EML5: variants seen among roughly 807,000 people sequenced by gnomAD.
The protein encoded by EML5 is EMAP like 5.
EML5 carries 120 observed loss-of-function variants against 250.0 expected under a neutral mutation model. The ratio of observed to expected loss-of-function variants is 0.48; its 90% CI spans 0.41 to 0.56. The LOEUF (loss-of-function observed/expected upper bound fraction) is 0.56. Among genes scored for constraint, EML5 ranks in the 20% least tolerant of loss-of-function variants. The pLI is 0.00. For synonymous variants in EML5, 771 were observed against 806.5 expected (o/e 0.96, Z 0.75); for missense variants, 2,006 against 2,437.6 (o/e 0.82, Z 3.73).
In EML5 at chr14:88,661,830, C is replaced by T. The variant is rs749044508; in HGVS notation, c.3499G>A (p.Val1167Ile). Residue 1167 changes from valine to isoleucine, a missense_variant and splice_region_variant, in exon 25 of 44, where the codon GTA (valine) becomes ATA (isoleucine). Physicochemically the swap from Val to Ile is conservative, Grantham distance 29. Around this residue, in one of 7 missense-constraint regions of EML5, gnomAD observed 1,375 missense variants for 1,590.3 expected, o/e 0.86. Coordinates refer to ENST00000554922, the MANE Select transcript of EML5 (RefSeq NM_183387.3). The part of the protein sequence containing the change: ...GKKQTIPSVE[V>I]EKIAWASWTS... Reference sequence around the variant, plus strand: ...CATGATGCCCAAGCAATTTTTTCTACCTAAAAATGAAAAACAATGCTGTAA... The same window carrying T: ...CATGATGCCCAAGCAATTTTTTCTATCTAAAAATGAAAAACAATGCTGTAA... 6 of 1,603,132 alleles carry T rather than the reference C, an allele frequency of 3.7e-6. No individual in the cohort carries two copies. Among genetic ancestry groups the T allele is most frequent in the South Asian group, 1.1e-5 (1 of 89,022 alleles).
intron 30 of EML5, among the ~76,000 whole-genome samples, chr14:88,643,572 A>G (rs1394263504): frequency 2.0e-5 from 3 of 152,280 alleles, no homozygotes; most frequent in Admixed American, 6.5e-5. Context: ...TGGCATCCCC[A>G]GGGGGAATCT....
At chr14:88,687,933 G>C (rs1055624234) in intron 18 of EML5, among the ~76,000 whole-genome samples, 1 of 152,070 alleles carries the variant, frequency 6.6e-6, no homozygotes, top group Non-Finnish European at 1.5e-5. Context: ...AGATGGGTGT[G>C]GGTGGCACTT....
chr14:88,746,376 G>T (rs948587527), intron 2 of EML5, 93 bp from the exon 3 acceptor site: 1 of 1,021,654 alleles, frequency 9.8e-7, no homozygotes. Context: ...TATACTCATG[G>T]GTTTTTATAA....
intron 7 of EML5, among the ~76,000 whole-genome samples, chr14:88,734,338 T>G (rs2093807122): frequency 6.6e-6 from 1 of 152,196 alleles, no homozygotes; most frequent in Non-Finnish European, 1.5e-5. Context: ...AATGTAAGTA[T>G]TAGAATGCCA....
At chr14:88,769,769 T>A (rs1244430151) in intron 1 of EML5, among the ~76,000 whole-genome samples, 5 of 152,220 alleles carry the variant, frequency 3.3e-5, no homozygotes, top group African/African-American at 1.2e-4. Context: ...TGAATTCGTA[T>A]CAACACTTCA....
chr14:88,710,625 C>A (rs1852293119), intron 10 of EML5, among the ~76,000 whole-genome samples: 1 of 152,094 alleles, frequency 6.6e-6, no homozygotes, highest in South Asian at 2.1e-4. Context: ...TATATTAATC[C>A]ATTAAAAATG....
Position 88,792,149 on chromosome 14 carries a change from G to C in EML5, c.197+158C>G, listed in dbSNP as rs1034426260. On this transcript the variant is annotated intron_variant, in intron 1 of 43. Transcript: ENST00000554922. The surrounding 1 kb of genome is among the most constrained non-coding windows in gnomAD (Gnocchi z 6.9). ...GAGGAAGAGGGGAAAGGCATTTGTA[G>C]GGTGTTAACTGGTGGACTCGGGACC... Among the ~76,000 whole-genome samples, 17 of 152,176 alleles carry C rather than the reference G, an allele frequency of 1.1e-4. No individual in the cohort carries two copies. Among genetic ancestry groups the C allele is most frequent in the African/African-American group, 3.9e-4 (16 of 41,440 alleles).
intron 35 of EML5, 197 bp downstream of exon 35, chr14:88,626,641 C>T (rs2089986021): frequency 3.2e-6 from 2 of 625,084 alleles, no homozygotes; most frequent in Non-Finnish European, 2.7e-6. Context: ...ATCCTTTTCC[C>T]CCTCTCATTA....
At position 88,615,047 on chromosome 14, in the gene EML5, T is replaced by C. The variant is rs999427680; in HGVS notation, c.*771A>G. ...CCTAAAACCCTTACATTGTACACCA[T>C]TGGGAATGATTGTTCATCATACTAC... On this transcript the variant is annotated 3_prime_UTR_variant, in exon 44 of 44. Transcript: ENST00000554922. 9.9e-5 allele frequency: 15 copies of C among 152,216 alleles called. No individual in the cohort carries two copies. Among genetic ancestry groups the C allele is most frequent in the Admixed American group, 3.3e-4 (5 of 15,286 alleles). 9.4% of individuals were successfully genotyped at this position (152,216 alleles called of 1,614,324 possible). A position where few individuals can be genotyped will look rare whatever the true frequency, so the allele number is the denominator to read the frequency against.
At chr14:88,622,075 C>T in intron 37 of EML5, 1 of 273,524 alleles carries the variant, frequency 3.7e-6, no homozygotes, top group Non-Finnish European at 7.6e-6. Context: ...TTCTACTCTC[C>T]ACCTCTGTGG....
chr14:88,736,135 G>C (rs1031635133), intron 7 of EML5, among the ~76,000 whole-genome samples: 1 of 151,658 alleles, frequency 6.6e-6, no homozygotes, highest in African/African-American at 2.4e-5. Flanking sequence ...CAAGTAGCTG[G>C]GATTACAGGT....
intron 21 of EML5, among the ~76,000 whole-genome samples, chr14:88,681,234 C>T (rs997406844): frequency 2.6e-5 from 4 of 152,110 alleles, no homozygotes; most frequent in African/African-American, 9.7e-5. Context: ...ATCACACAGA[C>T]GCCACATAGA....
At chr14:88,625,430 C>T (rs1299434319) in intron 35 of EML5, 1 of 226,824 alleles carries the variant, frequency 4.4e-6, no homozygotes, top group Non-Finnish European at 8.6e-6. Flanking sequence ...GACGGAGTTT[C>T]GCTCTTTGTT....
In EML5 at chr14:88,693,291, C is replaced by T. The variant is rs74663509; in HGVS notation, c.2539+1016G>A. On this transcript the variant is annotated intron_variant, in intron 17 of 43. Transcript: ENST00000554922. ...CCAGGACTGGGTAATCTATAAGGAA[C>T]GAGGTTTAATTGATTCACAGTTCCA... Among the ~76,000 whole-genome samples, 731 of 152,280 alleles carry T rather than the reference C, an allele frequency of 4.8e-3. 11 individuals are homozygous for T. Among genetic ancestry groups the T allele is most frequent in the African/African-American group, 0.016 (679 of 41,550 alleles).
At chr14:88,752,246 G>A (rs2140356997) in intron 2 of EML5, among the ~76,000 whole-genome samples, 1 of 152,058 alleles carries the variant, frequency 6.6e-6, no homozygotes, top group South Asian at 2.1e-4. Flanking sequence ...CATTTAGAAA[G>A]GGCAAATTTA....
At chr14:88,787,132 C>A (rs1474641620) in intron 1 of EML5, among the ~76,000 whole-genome samples, 1 of 152,194 alleles carries the variant, frequency 6.6e-6, no homozygotes, top group Admixed American at 6.5e-5. Context: ...GCTATACCTT[C>A]TTTCATTTCT....
chr14:88,637,627 C>T (rs1023451665), intron 32 of EML5, among the ~76,000 whole-genome samples: 2 of 152,142 alleles, frequency 1.3e-5, no homozygotes, highest in African/African-American at 2.4e-5. Flanking sequence ...AACAATACCT[C>T]GCACATGGCA....
chr14:88,773,005 T>C (rs2094409892), intron 1 of EML5, among the ~76,000 whole-genome samples: 1 of 152,220 alleles, frequency 6.6e-6, no homozygotes, highest in Admixed American at 6.5e-5. Context: ...ACATATTCTG[T>C]CCATTACTCT....
intron 10 of EML5, among the ~76,000 whole-genome samples, chr14:88,711,135 C>T (rs2093399138): frequency 6.6e-6 from 1 of 151,974 alleles, no homozygotes; most frequent in South Asian, 2.1e-4. Flanking sequence ...CATGGTGACT[C>T]TCATGTCCTG....
Sources: gnomAD v4.1 joint callset for allele counts (sites outside exome capture counted in the v4.1 genomes callset) on GRCh38, gnomAD v4.1.1 for gene constraint, gnomAD v4.1.1 regional missense constraint, Gnocchi (gnomAD v3.1) non-coding constraint, MANE v1.5 for transcripts, NCBI Gene and HGNC (gene_info 2026-07-23, HGNC 2026-07-21) for gene names.